Variants in MAML2 observed in about 807,000 individuals in gnomAD.
MAML2 encodes the protein mastermind like transcriptional coactivator 2, also known as mastermind-like protein 2.
In MAML2, 22 loss-of-function variants were observed where a neutral mutation model predicts 96.1. The observed-to-expected ratio is 0.23, with a 90% confidence interval of 0.16 to 0.33. The LOEUF (loss-of-function observed/expected upper bound fraction) is 0.33. MAML2 is among the 10% of genes least tolerant of loss of function. The pLI is 1.00. For synonymous variants in MAML2, 561 were observed against 521.3 expected (o/e 1.08, Z -1.04); for missense variants, 1,367 against 1,392.4 (o/e 0.98, Z 0.29).
At chr11:96,006,224 A>G (rs1032482380) in intron 2 of MAML2, among the ~76,000 whole-genome samples, 2 of 152,222 alleles carry the variant, frequency 1.3e-5, no homozygotes, top group Non-Finnish European at 2.9e-5. Context: ...CTAAGGGATG[A>G]ACTTCAAAAG....
intron 1 of MAML2, among the ~76,000 whole-genome samples, chr11:96,246,395 G>T (rs953483051): frequency 6.6e-6 from 1 of 152,032 alleles, no homozygotes; most frequent in African/African-American, 2.4e-5. Context: ...CATGTTCGGG[G>T]ACATGGTTGA....
At chr11:96,328,320 A>G (rs1863812249) in intron 1 of MAML2, among the ~76,000 whole-genome samples, 1 of 152,190 alleles carries the variant, frequency 6.6e-6, no homozygotes, top group Admixed American at 6.5e-5. Flanking sequence ...TTAACAGAAG[A>G]AATTCTAAGG....
At chr11:96,036,258 G>A (rs1447176398) in intron 2 of MAML2, among the ~76,000 whole-genome samples, 1 of 152,166 alleles carries the variant, frequency 6.6e-6, no homozygotes. Context: ...CCGGGGGTAA[G>A]ATATAGGTAT....
intron 1 of MAML2, among the ~76,000 whole-genome samples, chr11:96,220,427 A>G (rs1256520860): frequency 6.6e-6 from 1 of 152,182 alleles, no homozygotes. Context: ...ACTCAGAGTC[A>G]GCACATGCTT....
intron 1 of MAML2, among the ~76,000 whole-genome samples, chr11:96,273,120 A>G (rs1862939319): frequency 6.6e-6 from 1 of 152,214 alleles, no homozygotes; most frequent in Non-Finnish European, 1.5e-5. Context: ...GTTTGTTACC[A>G]TGGAAACAAG....
At chr11:96,031,227 G>A (rs72969727) in intron 2 of MAML2, among the ~76,000 whole-genome samples, 4,448 of 152,200 alleles carry the variant, frequency 0.029, 113 homozygotes, top group Non-Finnish European at 0.047. Flanking sequence ...TGCATTACAC[G>A]TTTTAATGTT....
At chr11:96,050,198 C>G (rs1324745177) in intron 2 of MAML2, among the ~76,000 whole-genome samples, 1 of 152,100 alleles carries the variant, frequency 6.6e-6, no homozygotes, top group Non-Finnish European at 1.5e-5. Flanking sequence ...ACTGACATCC[C>G]TGGGTATTTA....
chr11:96,240,316 C>T (rs1002313842), intron 1 of MAML2, among the ~76,000 whole-genome samples: 2 of 151,664 alleles, frequency 1.3e-5, no homozygotes, highest in East Asian at 1.9e-4. Context: ...TTTGGGAGGC[C>T]GAGGCGGGTG....
At position 96,247,178 on chromosome 11, in the gene MAML2, G is replaced by A. The variant is rs186737948; in HGVS notation, c.513+94205C>T. On this transcript the variant is annotated intron_variant, in intron 1 of 4. Coordinates refer to ENST00000524717, the MANE Select transcript of MAML2 (RefSeq NM_032427.4). The stretch of plus-strand genomic sequence containing the variant: ...GGAGTCAGCTCAACACACACATTTA[G>A]TCTTGACAAGTATATATCAGATTCA... Among the ~76,000 whole-genome samples, 7 of 151,916 alleles carry A rather than the reference G, an allele frequency of 4.6e-5. No homozygotes were observed. In the East Asian group the frequency reaches 1.3e-3, roughly 29 times the overall value.
rs1249340199 is a variant in MAML2, at chr11:95,985,657, T to G, written c.2344-15A>C. On this transcript the variant is annotated splice_polypyrimidine_tract_variant and intron_variant, in intron 3 of 4. Coordinates refer to ENST00000524717, the MANE Select transcript of MAML2 (RefSeq NM_032427.4). Reference sequence around the variant, plus strand: ...GCAATTTTCTCCTTGAGAAATGATATGAAAGCATATTATGTTGCATCATTC... The same window carrying G: ...GCAATTTTCTCCTTGAGAAATGATAGGAAAGCATATTATGTTGCATCATTC... The G allele has an allele frequency of 5.3e-6, 8 of 1,503,172 alleles. No individual in the cohort carries two copies. The African/African-American group carries it at 1.1e-4, about 21-fold the overall frequency. 93.1% of individuals were successfully genotyped at this position (1,503,172 alleles called of 1,614,324 possible).
chr11:96,136,017 T>C (rs1365715644), intron 1 of MAML2, among the ~76,000 whole-genome samples: 1 of 152,218 alleles, frequency 6.6e-6, no homozygotes, highest in African/African-American at 2.4e-5. Context: ...AAAACCAGCA[T>C]GGCACCAAGC....
intron 1 of MAML2, among the ~76,000 whole-genome samples, chr11:96,280,222 CA>C (rs1250127574): frequency 6.6e-6 from 1 of 152,084 alleles, no homozygotes; most frequent in South Asian, 2.1e-4. Flanking sequence ...AAAATGAAAA[CA>C]AAAAATTAAT....
intron 2 of MAML2, among the ~76,000 whole-genome samples, chr11:96,070,799 G>A (rs1859333185): frequency 6.6e-6 from 1 of 152,274 alleles, no homozygotes; most frequent in Non-Finnish European, 1.5e-5. Context: ...GAGGTTTCAG[G>A]CCTGAAAGGC....
intron 1 of MAML2, among the ~76,000 whole-genome samples, chr11:96,149,686 A>T (rs1313173793): frequency 6.6e-6 from 1 of 152,122 alleles, no homozygotes; most frequent in Non-Finnish European, 1.5e-5. Context: ...GTAAGCTGAG[A>T]TCACGCCACT....
chr11:95,985,041 T>G (rs1857804413), intron 4 of MAML2, among the ~76,000 whole-genome samples: 1 of 152,172 alleles, frequency 6.6e-6, no homozygotes, highest in Non-Finnish European at 1.5e-5. Context: ...GAGTTCACCT[T>G]TGGTGTTTTT....
chr11:96,039,498 T>C (rs999210005), intron 2 of MAML2, among the ~76,000 whole-genome samples: 2 of 152,070 alleles, frequency 1.3e-5, no homozygotes, highest in African/African-American at 4.8e-5. Flanking sequence ...TTGAGGCTGC[T>C]AAGAAAGGCT....
intron 1 of MAML2, among the ~76,000 whole-genome samples, chr11:96,310,748 T>C (rs1371819194): frequency 3.9e-5 from 6 of 152,130 alleles, no homozygotes; most frequent in Non-Finnish European, 8.8e-5. Flanking sequence ...TGAGCCTCAG[T>C]CTCCCCAGGT....
intron 1 of MAML2, among the ~76,000 whole-genome samples, chr11:96,331,257 G>A (rs1406371878): frequency 2.0e-5 from 3 of 152,120 alleles, no homozygotes; most frequent in East Asian, 3.9e-4. Flanking sequence ...GTGACAGAGT[G>A]AGATCCTGTT....
intron 1 of MAML2, among the ~76,000 whole-genome samples, chr11:96,238,958 C>G (rs1862398438): frequency 6.6e-6 from 1 of 152,090 alleles, no homozygotes. Context: ...GTATTCTGGC[C>G]AAAGTCCAAG....
Sources: allele counts gnomAD v4.1 joint callset (sites outside exome capture counted in the v4.1 genomes callset), GRCh38; gene constraint gnomAD v4.1.1; transcripts MANE v1.5; gene names NCBI Gene and HGNC (gene_info 2026-07-23, HGNC 2026-07-21).